The following DUXA variants were observed in gnomAD, a reference collection of about 807,000 sequenced individuals.
DUXA encodes double homeobox protein A.
In DUXA, 25 loss-of-function variants were observed where a neutral mutation model predicts 27.5. The observed-to-expected ratio is 0.91, with a 90% CI of 0.66 to 1.27. DUXA has a LOEUF of 1.27. Ranked by LOEUF, DUXA falls within the 50% of genes most tolerant of loss-of-function variation. The pLI, the probability that DUXA is intolerant of heterozygous loss-of-function variation, is 0.00. For synonymous variants in DUXA, 90 were observed against 80.5 expected, an observed-to-expected ratio of 1.12 and a Z score of -0.63; for missense variants, 247 against 242.9, an observed-to-expected ratio of 1.02 and a Z score of -0.11.
intron 1 of DUXA, among the ~76,000 whole-genome samples, chr19:57,162,377 T>G (rs1489720714): frequency 6.6e-6 from 1 of 152,144 alleles, no homozygotes; most frequent in Non-Finnish European, 1.5e-5. Flanking sequence ...GGATAGGACA[T>G]CTCCTTGAAA....
At chr19:57,154,766 T>C (rs2086983679) in intron 5 of DUXA, among the ~76,000 whole-genome samples, 1 of 152,016 alleles carries the variant, frequency 6.6e-6, no homozygotes, top group Non-Finnish European at 1.5e-5. Context: ...GGTTTCACCG[T>C]GTTAGCCAGG....
chr19:57,165,798 C>G (rs2087051316), intron 1 of DUXA, among the ~76,000 whole-genome samples: 1 of 115,884 alleles, frequency 8.6e-6, no homozygotes, highest in African/African-American at 3.0e-5. Flanking sequence ...GAGTGAGACT[C>G]CTCTCAAAAA....
intron 1 of DUXA, among the ~76,000 whole-genome samples, chr19:57,164,779 G>C (rs527384039): frequency 6.6e-6 from 1 of 152,228 alleles, no homozygotes; most frequent in Admixed American, 6.5e-5. Context: ...CACAGGGTTT[G>C]ATGCATATGT....
chr19:57,155,135 C>G, intron 5 of DUXA, 132 bp downstream of exon 5: 1 of 755,912 alleles, frequency 1.3e-6, no homozygotes, highest in Non-Finnish European at 2.2e-6. Flanking sequence ...TGAGCAACCC[C>G]ATGGTACCGT....
At chr19:57,158,227 A>C in intron 4 of DUXA, 101 bp downstream of exon 4, 2 of 1,390,252 alleles carry the variant, frequency 1.4e-6, no homozygotes, top group Admixed American at 1.8e-5. Flanking sequence ...AGACCCTGAA[A>C]TGTGCCCAGC....
intron 1 of DUXA, among the ~76,000 whole-genome samples, chr19:57,162,083 G>A (rs946353249): frequency 4.6e-5 from 7 of 151,772 alleles, no homozygotes; most frequent in Admixed American, 3.3e-4. Context: ...ATAGAGTTTC[G>A]CCACGTTGTC....
chr19:57,162,893 C>G (rs1044543774), intron 1 of DUXA, among the ~76,000 whole-genome samples: 1 of 151,984 alleles, frequency 6.6e-6, no homozygotes, highest in Non-Finnish European at 1.5e-5. Context: ...CTGTATTTCA[C>G]TGAAGGGGGA....
At position 57,155,646 on chromosome 19, in the gene DUXA, A is replaced by AAGACAGATAGATAGATAGAT. The variant is rs1555757951; in HGVS notation, c.439-275_439-274insATCTATCTATCTATCTGTCT. On this transcript the variant is annotated intron_variant, in intron 4 of 5. Coordinates refer to ENST00000554048, the MANE Select transcript of DUXA (RefSeq NM_001012729.2). ...AGGCACACTTGACTGTGCCCAACCC[A>AAGACAGATAGATAGATAGAT]AGATAGATAGATAGATAGATAGATA... Among the ~76,000 whole-genome samples, 5 of 144,120 alleles carry AAGACAGATAGATAGATAGAT rather than the reference A, an allele frequency of 3.5e-5. 2 individuals carry two copies. In the South Asian group the frequency reaches 7.1e-4, roughly 21 times the overall value. 94.5% of individuals were successfully genotyped at this position (144,120 alleles called of 152,430 possible).
chr19:57,164,613 C>G (rs1164025149), intron 1 of DUXA, among the ~76,000 whole-genome samples: 1 of 151,712 alleles, frequency 6.6e-6, no homozygotes, highest in Non-Finnish European at 1.5e-5. Flanking sequence ...TTAAAAAAGG[C>G]TAGATGACTG....
rs116936495 is a variant in DUXA at position 57,154,863 on chromosome 19, C to T, written c.545-381G>A. Reference sequence around the variant, plus strand: ...CAGGCGTGAGCCTCCATGCCCAGCCCCCACCTTTTCAATCCAATATGGAAC... The same window carrying T: ...CAGGCGTGAGCCTCCATGCCCAGCCTCCACCTTTTCAATCCAATATGGAAC... On this transcript the variant is annotated intron_variant, in intron 5 of 5. Coordinates refer to ENST00000554048, the MANE Select transcript of DUXA (RefSeq NM_001012729.2). Among the ~76,000 whole-genome samples the T allele has an allele frequency of 7.9e-4, 121 of 152,298 alleles. 1 individual carries two copies. The East Asian group carries it at 0.02, about 26-fold the overall frequency.
intron 4 of DUXA, among the ~76,000 whole-genome samples, chr19:57,156,670 T>C (rs942853573): frequency 3.3e-5 from 5 of 152,130 alleles, no homozygotes; most frequent in Non-Finnish European, 5.9e-5. Context: ...TGGCCACAAC[T>C]CTTTTTATTT....
chr19:57,166,130 G>A (rs751559680), intron 1 of DUXA, among the ~76,000 whole-genome samples: 58 of 151,922 alleles, frequency 3.8e-4, no homozygotes, highest in Non-Finnish European at 6.2e-4. Context: ...GGGCTGGGAC[G>A]CTGCCTGTCC....
intron 1 of DUXA, among the ~76,000 whole-genome samples, chr19:57,165,616 T>C (rs897270470): frequency 5.9e-5 from 9 of 151,488 alleles, no homozygotes; most frequent in Non-Finnish European, 1.2e-4. Context: ...CCATCCTGGC[T>C]AACACAGTGA....
At chr19:57,154,538 A>T in intron 5 of DUXA, 56 bp from the exon 6 acceptor site, 1 of 1,382,464 alleles carries the variant, frequency 7.2e-7, no homozygotes, top group Non-Finnish European at 1.0e-6. Context: ...ATATTCACAA[A>T]CATGGACGTC....
At chr19:57,165,803 CAA>C (rs3082068) in intron 1 of DUXA, among the ~76,000 whole-genome samples, 12,790 of 95,492 alleles carry the variant, frequency 0.13, 510 homozygotes, top group Admixed American at 0.19. Flanking sequence ...AGACTCCTCT[CAA>C]AAAAAAAAAA....
chr19:57,161,659 T>C (rs942648062), intron 1 of DUXA, among the ~76,000 whole-genome samples: 117 of 151,600 alleles, frequency 7.7e-4, no homozygotes, highest in African/African-American at 2.7e-3. Flanking sequence ...AAAAAATAAA[T>C]AAAAATAAGA....
chr19:57,166,974 A>G (rs1022372896), intron 1 of DUXA, among the ~76,000 whole-genome samples: 2 of 152,196 alleles, frequency 1.3e-5, no homozygotes, highest in African/African-American at 2.4e-5. Flanking sequence ...CAAGCAGGCA[A>G]TTAGATGAAG....
At position 57,154,421 on chromosome 19, in the gene DUXA, T is replaced by C; in HGVS notation, c.606A>G (p.Arg202=). The change falls in exon 6 of 6, where the codon AGA becomes AGG. Residue 202 remains arginine (R), a synonymous_variant. Transcript: ENST00000554048. ...CTGAATTTGACTGTGTTCACCACGT[T>C]CTGGCTCCAGAGAAATGAGAGTCAC... ...FTSDSHFSGA[R]TW is the part of the protein sequence containing the mutation. The C allele has an allele frequency of 6.2e-7, 1 of 1,613,718 alleles. No individual in the cohort carries two copies. Among genetic ancestry groups the C allele is most frequent in the Non-Finnish European group, 8.5e-7 (1 of 1,179,664 alleles).
chr19:57,155,515 C>A, intron 4 of DUXA, 143 bp from the exon 5 acceptor site: 2 of 644,704 alleles, frequency 3.1e-6, no homozygotes, highest in South Asian at 3.9e-5. Flanking sequence ...GCATCATCAC[C>A]TTAGGCTAAC....
Sources: allele counts gnomAD v4.1 joint callset (sites outside exome capture counted in the v4.1 genomes callset), GRCh38; gene constraint gnomAD v4.1.1; transcripts MANE v1.5; gene names NCBI Gene and HGNC (gene_info 2026-07-23, HGNC 2026-07-21).